EPHA3: variants seen among roughly 807,000 people sequenced by gnomAD.
EPHA3 encodes the protein EPH receptor A3.
A neutral mutation model predicts 107.1 loss-of-function variants in EPHA3; 42 were observed. The ratio of observed to expected loss-of-function variants is 0.39; its 90% CI spans 0.31 to 0.51. EPHA3 has a LOEUF of 0.51. Among genes scored for constraint, EPHA3 ranks in the 20% least tolerant of loss-of-function variants. EPHA3 has a pLI of 0.78. For synonymous variants in EPHA3, 461 were observed against 424.8 expected, an observed-to-expected ratio of 1.09 and a Z score of -1.05; for missense variants, 1,183 against 1,211.2, an observed-to-expected ratio of 0.98 and a Z score of 0.35.
chr3:89,440,976 G>A (rs1709771125), intron 13 of EPHA3, among the ~76,000 whole-genome samples: 2 of 152,060 alleles, frequency 1.3e-5, no homozygotes, highest in Non-Finnish European at 2.9e-5. Flanking sequence ...AGTTCAAAGA[G>A]CTATGGTCAT....
intron 2 of EPHA3, among the ~76,000 whole-genome samples, chr3:89,170,027 T>C (rs575610205): frequency 1.3e-5 from 2 of 152,086 alleles, no homozygotes; most frequent in Admixed American, 1.3e-4. Flanking sequence ...GGCGGGTAGA[T>C]CACGAGGTCA....
At position 89,208,482 on chromosome 3, in the gene EPHA3, G is replaced by GAA. The variant is rs796550208; in HGVS notation, c.154-1377_154-1376insAA. 1.5e-3 allele frequency among the ~76,000 whole-genome samples: 191 copies of GAA among 127,116 alleles called. 1 individual carries two copies. In the Middle Eastern group the frequency reaches 0.019, roughly 13 times the overall value. The allele number at this position is 127,116 out of a possible 152,430, so 83.4% of individuals were successfully genotyped here. A position where few individuals can be genotyped will look rare whatever the true frequency, so the allele number is the denominator to read the frequency against. On this transcript the variant is annotated intron_variant, in intron 2 of 16. Coordinates refer to ENST00000336596, the MANE Select transcript of EPHA3 (RefSeq NM_005233.6). ...AGAAAGAAAGAAAGAAAGAAAGAAAGAGAAAAAGAAAGGAGGGAGGGAGGG... is the reference window on the plus strand; with the variant it reads ...AGAAAGAAAGAAAGAAAGAAAGAAAGAAAGAAAAAGAAAGGAGGGAGGGAGGG...
Position 89,341,802 on chromosome 3 carries a change from T to G in EPHA3, c.1018T>G (p.Ser340Ala). ...TGTTATCTCTAATATAAACGAGACC[T>G]CAGTTATCCTGGACTGGAGTTGGCC... ...RNVISNINET[S>A]VILDWSWPLD... is the part of the protein sequence containing the mutation. Residue 340 changes from serine (S) to alanine (A), a missense_variant, in exon 5 of 17, where the codon TCA becomes GCA. Transcript: ENST00000336596. The G allele has an allele frequency of 6.2e-7, 1 of 1,613,932 alleles. No homozygotes were observed. Among genetic ancestry groups the G allele is most frequent in the Non-Finnish European group, 8.5e-7 (1 of 1,179,986 alleles).
rs185097365 is a variant in EPHA3, at chr3:89,263,502, A to T, written c.814+52982A>T. On this transcript the variant is annotated intron_variant, in intron 3 of 16. Transcript: ENST00000336596. ...ATGCGGGGGATTTTATCGCTGGCGA[A>T]AGTGGCTCTCAGCAGTAACGGGAGC... 3.3e-5 allele frequency among the ~76,000 whole-genome samples: 5 copies of T among 152,298 alleles called. No homozygotes were observed. In the East Asian group the frequency reaches 9.7e-4, roughly 30 times the overall value.
intron 3 of EPHA3, among the ~76,000 whole-genome samples, chr3:89,262,631 C>CCGGT (rs1470946104): frequency 6.6e-6 from 1 of 152,204 alleles, no homozygotes; most frequent in African/African-American, 2.4e-5. Context: ...TTTCCCCGAC[C>CCGGT]CGGTCGCATG....
At chr3:89,361,164 A>T (rs1203949909) in intron 5 of EPHA3, among the ~76,000 whole-genome samples, 1 of 151,120 alleles carries the variant, frequency 6.6e-6, no homozygotes, top group African/African-American at 2.4e-5. Context: ...AACAATTGGA[A>T]AAAAGATGCC....
chr3:89,145,363 T>A (rs1429657992), intron 2 of EPHA3, among the ~76,000 whole-genome samples: 16 of 151,668 alleles, frequency 1.1e-4, no homozygotes, highest in Non-Finnish European at 1.5e-4. Context: ...TAAAATAATA[T>A]CCATCATATC....
chr3:89,205,888 T>G (rs1240089535), intron 2 of EPHA3, among the ~76,000 whole-genome samples: 2 of 152,044 alleles, frequency 1.3e-5, no homozygotes, highest in African/African-American at 4.8e-5. Flanking sequence ...ATAATGAATA[T>G]TATACATTAG....
At chr3:89,403,586 C>G (rs912113023) in intron 7 of EPHA3, among the ~76,000 whole-genome samples, 5 of 152,036 alleles carry the variant, frequency 3.3e-5, no homozygotes, top group African/African-American at 1.2e-4. Flanking sequence ...TCCACCAATA[C>G]AAGAAGTACA....
intron 2 of EPHA3, among the ~76,000 whole-genome samples, chr3:89,132,957 T>C (rs1304061483): frequency 6.6e-6 from 1 of 152,212 alleles, no homozygotes; most frequent in African/African-American, 2.4e-5. Context: ...ATTAGAGTAA[T>C]TCCTATGTCA....
chr3:89,428,320 G>A (rs762224662), intron 11 of EPHA3, among the ~76,000 whole-genome samples: 1 of 151,828 alleles, frequency 6.6e-6, no homozygotes, highest in African/African-American at 2.4e-5. Flanking sequence ...TGTGTAAAAT[G>A]GAAATAATAA....
chr3:89,163,970 G>T (rs1204458925), intron 2 of EPHA3, among the ~76,000 whole-genome samples: 1 of 152,144 alleles, frequency 6.6e-6, no homozygotes, highest in Non-Finnish European at 1.5e-5. Context: ...TTTGTATAGA[G>T]AAGTCAATAG....
rs77860276 is a variant in EPHA3, at chr3:89,475,103, G to A, written c.2846+2484G>A. 2.1e-4 allele frequency among the ~76,000 whole-genome samples: 32 copies of A among 152,182 alleles called. No homozygotes were observed. The East Asian group carries it at 6.0e-3, about 29-fold the overall frequency. ...CTGCTTTTTTCCTTGAGTCTTCATA[G>A]TGTCATGCACCTCATGCTCCTAATT... is the stretch of plus-strand genomic sequence containing the variant. On this transcript the variant is annotated intron_variant, in intron 16 of 16. Transcript: ENST00000336596.
intron 1 of EPHA3, among the ~76,000 whole-genome samples, chr3:89,118,988 A>T (rs1228324143): frequency 1.3e-5 from 2 of 151,986 alleles, no homozygotes; most frequent in Non-Finnish European, 2.9e-5. Context: ...AAAGATAATA[A>T]TAAATTCATA....
chr3:89,369,428 G>C (rs562357896), intron 5 of EPHA3, among the ~76,000 whole-genome samples: 1 of 150,642 alleles, frequency 6.6e-6, no homozygotes, highest in Non-Finnish European at 1.5e-5. Flanking sequence ...AAATGGTGCT[G>C]GGAAAACTGG....
At chr3:89,339,243 C>G (rs544761306) in intron 3 of EPHA3, among the ~76,000 whole-genome samples, 4 of 151,782 alleles carry the variant, frequency 2.6e-5, no homozygotes, top group Admixed American at 6.6e-5. Context: ...TGGTGGCGCA[C>G]GCCTGTAATC....
intron 15 of EPHA3, among the ~76,000 whole-genome samples, chr3:89,455,327 G>T (rs977572218): frequency 6.6e-6 from 1 of 152,110 alleles, no homozygotes. Context: ...TCACCAAAAA[G>T]AATATTCTTG....
chr3:89,452,914 A>G (rs1393268457), intron 15 of EPHA3, among the ~76,000 whole-genome samples: 1 of 152,176 alleles, frequency 6.6e-6, no homozygotes. Flanking sequence ...TAGGAGAATC[A>G]TAAACAAGAT....
intron 15 of EPHA3, among the ~76,000 whole-genome samples, chr3:89,453,710 G>T (rs1024101773): frequency 6.6e-6 from 1 of 151,886 alleles, no homozygotes; most frequent in African/African-American, 2.4e-5. Context: ...TCCTACTTTT[G>T]ACAATGATTA....
Sources: gnomAD v4.1 joint callset for allele counts (sites outside exome capture counted in the v4.1 genomes callset) on GRCh38, gnomAD v4.1.1 for gene constraint, MANE v1.5 for transcripts, NCBI Gene and HGNC (gene_info 2026-07-23, HGNC 2026-07-21) for gene names.